Variants in NEMP2 observed in about 807,000 individuals in gnomAD.
The protein encoded by NEMP2 is nuclear envelope integral membrane protein 2, also known as UPF0571 transmembrane protein.
In NEMP2, 53 loss-of-function variants were observed where a neutral mutation model predicts 54.2. That is an observed-to-expected ratio of 0.98 (90% CI 0.78 to 1.23). NEMP2 has a LOEUF of 1.23. NEMP2 is among the 50% of genes most tolerant of loss of function. NEMP2 has a pLI of 0.00. For synonymous variants in NEMP2, 197 were observed against 190.3 expected, an observed-to-expected ratio of 1.04 and a Z score of -0.29; for missense variants, 455 against 511.3, an observed-to-expected ratio of 0.89 and a Z score of 1.06.
chr2:190,596,971 T>A, the NEMP2 span, among the ~76,000 whole-genome samples: 2 of 152,216 alleles, frequency 1.3e-5, no homozygotes, highest in African/African-American at 4.8e-5. The surrounding 1 kb of genome is among the most constrained non-coding windows in gnomAD (Gnocchi z 5.1). Context: ...CATTTTCTTT[T>A]AAGTTTTCTG....
At chr2:190,464,108 C>T in the NEMP2 span, among the ~76,000 whole-genome samples, 2 of 152,202 alleles carry the variant, frequency 1.3e-5, no homozygotes, top group Non-Finnish European at 2.9e-5. Context: ...CTTCATCTCC[C>T]ACCCTGGCCT....
At chr2:190,615,830 C>T in the NEMP2 span, among the ~76,000 whole-genome samples, 1 of 152,102 alleles carries the variant, frequency 6.6e-6, no homozygotes, top group Non-Finnish European at 1.5e-5. This position sits in a 1 kb window ranked among gnomAD's most constrained non-coding sequence, Gnocchi z 4.7. Flanking sequence ...GAGGAGAGAC[C>T]AAATATATCT....
At chr2:190,629,944 T>G in the NEMP2 span, 1 of 152,202 alleles carries the variant, frequency 6.6e-6, no homozygotes, top group Non-Finnish European at 1.5e-5. Flanking sequence ...AGTACAATCC[T>G]AAAGACAAAA....
At chr2:190,574,986 C>T in the NEMP2 span, among the ~76,000 whole-genome samples, 1 of 152,064 alleles carries the variant, frequency 6.6e-6, no homozygotes, top group African/African-American at 2.4e-5. Context: ...TCCCAAGTAG[C>T]TGGGATTACA....
In NEMP2 at chr2:190,508,106, T is replaced by C. The variant is rs540210716; in HGVS notation, c.*1083A>G. The C allele has an allele frequency of 4.6e-5, 7 of 152,310 alleles. No individual in the cohort carries two copies. Among genetic ancestry groups the C allele is most frequent in the African/African-American group, 1.4e-4 (6 of 41,572 alleles). The allele number at this position is 152,310 out of a possible 1,614,324, so 9.4% of individuals were successfully genotyped here. ...TATAAGAAATTGTTACAAACACCTATAGCTAAACAATTTTTTAAATGGATC... is the reference window on the plus strand; with the variant it reads ...TATAAGAAATTGTTACAAACACCTACAGCTAAACAATTTTTTAAATGGATC... On this transcript the variant is annotated 3_prime_UTR_variant, in exon 9 of 9. Transcript: ENST00000409150. This position sits in a 1 kb window ranked among gnomAD's most constrained non-coding sequence, Gnocchi z 4.3.
chr2:190,475,743 C>T, the NEMP2 span, among the ~76,000 whole-genome samples: 137 of 152,192 alleles, frequency 9.0e-4, no homozygotes, highest in African/African-American at 3.0e-3. Context: ...AAAAAGAGCC[C>T]GCATTGCCAA....
At chr2:190,590,085 T>G in the NEMP2 span, among the ~76,000 whole-genome samples, 1 of 152,080 alleles carries the variant, frequency 6.6e-6, no homozygotes, top group African/African-American at 2.4e-5. The surrounding 1 kb of genome is among the most constrained non-coding windows in gnomAD (Gnocchi z 5.1). Context: ...AAAGTAAAGG[T>G]CTCTATGCTC....
chr2:190,489,165 TTCA>T, the NEMP2 span, among the ~76,000 whole-genome samples: 2 of 152,310 alleles, frequency 1.3e-5, no homozygotes, highest in South Asian at 4.2e-4. This position sits in a 1 kb window ranked among gnomAD's most constrained non-coding sequence, Gnocchi z 6.6. Context: ...GGAAATAAAA[TTCA>T]TCATTGTTAT....
chr2:190,534,514 G>T (rs1343874459), intron 1 of NEMP2, 45 bp downstream of exon 1: 1 of 1,360,096 alleles, frequency 7.4e-7, no homozygotes, highest in Non-Finnish European at 9.4e-7. Context: ...CGAAGCCGGG[G>T]AGCGAGCACG....
the NEMP2 span, among the ~76,000 whole-genome samples, chr2:190,557,066 C>T: frequency 3.3e-5 from 5 of 152,298 alleles, no homozygotes; most frequent in East Asian, 9.6e-4. Flanking sequence ...TGCTACCTGT[C>T]TTCAGACTAT....
At chr2:190,472,301 G>T in the NEMP2 span, among the ~76,000 whole-genome samples, 3 of 152,330 alleles carry the variant, frequency 2.0e-5, no homozygotes, top group South Asian at 2.1e-4. Context: ...GCTAAAGGAA[G>T]AAGTTCAAAC....
At chr2:190,611,296 C>A in the NEMP2 span, among the ~76,000 whole-genome samples, 1 of 152,108 alleles carries the variant, frequency 6.6e-6, no homozygotes, top group Non-Finnish European at 1.5e-5. This position sits in a 1 kb window ranked among gnomAD's most constrained non-coding sequence, Gnocchi z 5.4. Flanking sequence ...AGCCAAACAC[C>A]ATTTCATATT....
the NEMP2 span, among the ~76,000 whole-genome samples, chr2:190,425,231 A>G: frequency 6.6e-6 from 1 of 152,132 alleles, no homozygotes; most frequent in Non-Finnish European, 1.5e-5. This position sits in a 1 kb window ranked among gnomAD's most constrained non-coding sequence, Gnocchi z 4.3. Context: ...TTAGTTCTAG[A>G]AGTTTATTTA....
At chr2:190,478,277 A>G in the NEMP2 span, among the ~76,000 whole-genome samples, 37 of 152,266 alleles carry the variant, frequency 2.4e-4, no homozygotes, top group African/African-American at 8.9e-4. Context: ...TCCTAGTGCA[A>G]CAGAGGGCTC....
the NEMP2 span, among the ~76,000 whole-genome samples, chr2:190,550,788 T>C: frequency 6.6e-6 from 1 of 152,198 alleles, no homozygotes; most frequent in East Asian, 1.9e-4. This position sits in a 1 kb window ranked among gnomAD's most constrained non-coding sequence, Gnocchi z 4.7. Context: ...ATATATCTTT[T>C]AATGATCTGA....
At chr2:190,526,267 C>T (rs778887517) in intron 1 of NEMP2, among the ~76,000 whole-genome samples, 2 of 152,168 alleles carry the variant, frequency 1.3e-5, no homozygotes, top group African/African-American at 4.8e-5. Flanking sequence ...CCTGTCTCTC[C>T]TGCTGTCCCC....
At position 190,509,780 on chromosome 2, in the gene NEMP2, C is replaced by G. The variant is rs756440269; in HGVS notation, c.1131-468G>C. The stretch of plus-strand genomic sequence containing the variant: ...TCCAGCTGGGTGCGGTGGCTCATGC[C>G]TGTAATCCCAGCACTTTGGGAGGCC... On this transcript the variant is annotated intron_variant, in intron 8 of 8. Coordinates refer to ENST00000409150, the MANE Select transcript of NEMP2 (RefSeq NM_001142645.2). The surrounding 1 kb of genome is among the most constrained non-coding windows in gnomAD (Gnocchi z 6.1). Among the ~76,000 whole-genome samples, 3 of 152,242 alleles carry G rather than the reference C, an allele frequency of 2.0e-5. No individual in the cohort carries two copies. The highest frequency in any genetic ancestry group is 4.4e-5 in the Non-Finnish European group (3 of 68,046).
the NEMP2 span, among the ~76,000 whole-genome samples, chr2:190,623,651 T>C: frequency 0.045 from 6,888 of 152,198 alleles, 549 homozygotes; most frequent in African/African-American, 0.16. Context: ...TCTCATCATA[T>C]CAAAAATTAA....
chr2:190,594,967 C>A, the NEMP2 span, among the ~76,000 whole-genome samples: 1 of 152,120 alleles, frequency 6.6e-6, no homozygotes. The surrounding 1 kb of genome is among the most constrained non-coding windows in gnomAD (Gnocchi z 5.6). Flanking sequence ...AGACTTATTT[C>A]CTATATGCAT....
Sources: allele counts gnomAD v4.1 joint callset (sites outside exome capture counted in the v4.1 genomes callset), GRCh38; gene constraint gnomAD v4.1.1; non-coding constraint Gnocchi (gnomAD v3.1); transcripts MANE v1.5; gene names NCBI Gene and HGNC (gene_info 2026-07-23, HGNC 2026-07-21).